NFIA: variants seen among roughly 807,000 people sequenced by gnomAD.
NFIA encodes the protein nuclear factor 1 A-type.
A neutral mutation model predicts 62.8 loss-of-function variants in NFIA; 8 were observed. That is an observed-to-expected ratio of 0.13 (90% confidence interval 0.07 to 0.23). NFIA has a LOEUF of 0.23. Among genes scored for constraint, NFIA ranks in the 10% least tolerant of loss-of-function variants. The pLI is 1.00. For missense variants in NFIA, 410 were observed against 642.1 expected, an observed-to-expected ratio of 0.64 and a Z score of 3.91; for synonymous variants, 235 against 238.1, an observed-to-expected ratio of 0.99 and a Z score of 0.12.
intron 3 of NFIA, 95 bp from the exon 4 acceptor site, chr1:61,332,417 C>A: frequency 8.7e-7 from 1 of 1,146,408 alleles, no homozygotes; most frequent in Non-Finnish European, 1.3e-6. Context: ...TTAGGCACCA[C>A]ATGTGTTAAT....
chr1:61,262,533 A>G (rs1362941727), intron 2 of NFIA, among the ~76,000 whole-genome samples: 2 of 152,240 alleles, frequency 1.3e-5, no homozygotes, highest in African/African-American at 4.8e-5. Context: ...TATATCTACA[A>G]TGGTGTAGAC....
chr1:61,248,047 T>A (rs777931059), intron 2 of NFIA, among the ~76,000 whole-genome samples: 1 of 152,108 alleles, frequency 6.6e-6, no homozygotes, highest in African/African-American at 2.4e-5. Context: ...AAGCAAACAT[T>A]AGTCTGAGAA....
At chr1:61,265,279 A>G (rs1657087680) in intron 2 of NFIA, among the ~76,000 whole-genome samples, 1 of 152,230 alleles carries the variant, frequency 6.6e-6, no homozygotes, top group African/African-American at 2.4e-5. Flanking sequence ...GAAATTTTAA[A>G]ATATTGTACT....
chr1:61,415,727 A>T (rs1666318326), intron 9 of NFIA, among the ~76,000 whole-genome samples: 3 of 152,166 alleles, frequency 2.0e-5, no homozygotes, highest in Non-Finnish European at 2.9e-5. Flanking sequence ...TACAGAGGAC[A>T]TTTTAGTTTT....
At chr1:61,421,222 T>A (rs1666604535) in intron 9 of NFIA, among the ~76,000 whole-genome samples, 1 of 152,198 alleles carries the variant, frequency 6.6e-6, no homozygotes, top group African/African-American at 2.4e-5. Flanking sequence ...TTCCATCCTC[T>A]GTACTTATCT....
At chr1:61,128,666 A>G (rs1013533921) in intron 2 of NFIA, among the ~76,000 whole-genome samples, 2 of 152,152 alleles carry the variant, frequency 1.3e-5, no homozygotes, top group Non-Finnish European at 2.9e-5. Flanking sequence ...GTTGATTAGC[A>G]TAACCCCGAT....
At chr1:61,112,155 A>C (rs1402444385) in intron 2 of NFIA, among the ~76,000 whole-genome samples, 1 of 151,952 alleles carries the variant, frequency 6.6e-6, no homozygotes, top group Non-Finnish European at 1.5e-5. Context: ...ACTATGCTCT[A>C]AAAATTGGCA....
intron 2 of NFIA, among the ~76,000 whole-genome samples, chr1:61,127,308 T>TACAAAAA (rs1395735027): frequency 6.6e-6 from 1 of 151,516 alleles, no homozygotes; most frequent in Non-Finnish European, 1.5e-5. Flanking sequence ...ATACAAAAAA[T>TACAAAAA]TAGCCGGGCA....
At chr1:61,278,210 A>G (rs1426844436) in intron 3 of NFIA, among the ~76,000 whole-genome samples, 1 of 152,214 alleles carries the variant, frequency 6.6e-6, no homozygotes, top group Non-Finnish European at 1.5e-5. Context: ...TTATATATGA[A>G]TATCATAGTA....
rs762459625 is a variant in NFIA at position 61,222,469 on chromosome 1, A to G, written c.560-55051A>G. ...CAGATGTATTCAGCTCTAGTTTCCC[A>G]TTTTGGGGTGAATGTTACCAGGAGT... On this transcript the variant is annotated intron_variant, in intron 2 of 10. Coordinates refer to ENST00000403491, the MANE Select transcript of NFIA (RefSeq NM_001134673.4). Among the ~76,000 whole-genome samples the G allele has an allele frequency of 9.2e-5, 14 of 151,992 alleles. No individual in the cohort carries two copies. In the East Asian group the frequency reaches 1.9e-3, roughly 21 times the overall value.
chr1:61,322,954 G>T (rs1421452947), intron 3 of NFIA, among the ~76,000 whole-genome samples: 1 of 152,028 alleles, frequency 6.6e-6, no homozygotes, highest in Non-Finnish European at 1.5e-5. Flanking sequence ...TGTCTCTATG[G>T]CTATGGCAGA....
chr1:61,277,233 T>A (rs2100275568), intron 2 of NFIA, among the ~76,000 whole-genome samples: 1 of 152,326 alleles, frequency 6.6e-6, no homozygotes, highest in South Asian at 2.1e-4. Flanking sequence ...GGAAATGGTC[T>A]CTCTAAGAGA....
intron 2 of NFIA, among the ~76,000 whole-genome samples, chr1:61,200,006 A>ATATG (rs1652315470): frequency 9.0e-5 from 6 of 66,942 alleles, no homozygotes; most frequent in East Asian, 3.7e-4. Flanking sequence ...CAAAATATAT[A>ATATG]TATGTATATA....
At chr1:61,210,686 G>A (rs773584454) in intron 2 of NFIA, among the ~76,000 whole-genome samples, 7 of 152,136 alleles carry the variant, frequency 4.6e-5, no homozygotes, top group Non-Finnish European at 1.0e-4. Flanking sequence ...ATGACATTGG[G>A]AAGTGTGCAA....
intron 3 of NFIA, among the ~76,000 whole-genome samples, chr1:61,287,656 AC>A (rs201990266): frequency 1.3e-5 from 2 of 150,762 alleles, no homozygotes; most frequent in Non-Finnish European, 3.0e-5. Context: ...ACTGTCCCCA[AC>A]CCCCCCCAAA....
intron 2 of NFIA, among the ~76,000 whole-genome samples, chr1:61,093,574 G>A (rs1387026033): frequency 6.6e-6 from 1 of 152,094 alleles, no homozygotes; most frequent in Non-Finnish European, 1.5e-5. Flanking sequence ...GATAAATATT[G>A]ATTTTACATC....
chr1:61,171,622 T>G (rs1002969089), intron 2 of NFIA, among the ~76,000 whole-genome samples: 6 of 152,142 alleles, frequency 3.9e-5, no homozygotes, highest in Non-Finnish European at 7.3e-5. Flanking sequence ...CTTGAAGAAA[T>G]GGAGAAAATG....
chr1:61,114,648 T>A (rs1228777943), intron 2 of NFIA, among the ~76,000 whole-genome samples: 1 of 152,214 alleles, frequency 6.6e-6, no homozygotes. Context: ...CATTGGAAGC[T>A]GAGGTCATGT....
intron 2 of NFIA, among the ~76,000 whole-genome samples, chr1:61,190,951 T>A (rs1052542008): frequency 1.3e-5 from 2 of 152,196 alleles, no homozygotes; most frequent in African/African-American, 2.4e-5. Flanking sequence ...AAGCCAACTT[T>A]GTGCCAAAAT....
Sources: allele counts gnomAD v4.1 joint callset (sites outside exome capture counted in the v4.1 genomes callset), GRCh38; gene constraint gnomAD v4.1.1; transcripts MANE v1.5; gene names NCBI Gene and HGNC (gene_info 2026-07-23, HGNC 2026-07-21).